The following ACTN4 variants were observed in gnomAD, a reference collection of about 807,000 sequenced individuals.
ACTN4 encodes actinin alpha 4.
Under a neutral mutation model 114.2 loss-of-function variants are expected in ACTN4, and 18 were observed. That is an observed-to-expected ratio of 0.16 (90% confidence interval 0.11 to 0.23). The LOEUF (loss-of-function observed/expected upper bound fraction) is 0.23, where lower values mean the gene tolerates loss of function less well. Among genes scored for constraint, ACTN4 ranks in the 10% least tolerant of loss-of-function variants. The pLI is 1.00. For missense variants in ACTN4, 722 were observed against 1,262.9 expected (o/e 0.57, Z 6.49); for synonymous variants, 515 against 506.3 (o/e 1.02, Z -0.23).
rs1421158611 is a variant in ACTN4, at chr19:38,730,208, TTTATTAACTTACGGATTTA to T, written c.*781_*799del. ...AAACTTTCAGAGAATTACTATTTAC[TTTATTAACTTACGGATTTA>T]TTATATAAATATATATTCACCTAGC... On this transcript the variant is annotated 3_prime_UTR_variant, in exon 21 of 21. Coordinates refer to ENST00000252699, the MANE Select transcript of ACTN4 (RefSeq NM_004924.6). 6.4e-6 allele frequency: 1 copy of T among 157,106 alleles called. No homozygotes were observed. The highest frequency in any genetic ancestry group is 1.4e-5 in the Non-Finnish European group (1 of 70,900). The allele number at this position is 157,106 out of a possible 1,614,324, so 9.7% of individuals were successfully genotyped here. A position where few individuals can be genotyped will look rare whatever the true frequency, so the allele number is the denominator to read the frequency against.
chr19:38,714,967 G>A (rs2086148), intron 9 of ACTN4, among the ~76,000 whole-genome samples: 8,614 of 152,290 alleles, frequency 0.057, 262 homozygotes, highest in South Asian at 0.096. Context: ...CTGTGCAGGT[G>A]CTTAACGAGC....
chr19:38,665,560 G>C (rs1034617494), intron 1 of ACTN4, among the ~76,000 whole-genome samples: 7 of 152,094 alleles, frequency 4.6e-5, no homozygotes, highest in African/African-American at 7.2e-5. Flanking sequence ...CTTTCCTCCA[G>C]TGCTCCCCAG....
In ACTN4 at chr19:38,731,351, G is replaced by A. The variant is rs570667912; in HGVS notation, c.*1919G>A. 20 of 711,704 alleles carry A rather than the reference G, an allele frequency of 2.8e-5. No homozygotes were observed. Among genetic ancestry groups the A allele is most frequent in the East Asian group, 2.4e-4 (9 of 38,078 alleles). 44.1% of individuals were successfully genotyped at this position (711,704 alleles called of 1,614,324 possible). A position where few individuals can be genotyped will look rare whatever the true frequency, so the allele number is the denominator to read the frequency against. ...TCACACCCCAACTCTGCCCCATCCC[G>A]GCAGGGTGAGTACAGGCTGATCCCT... On this transcript the variant is annotated 3_prime_UTR_variant, in exon 21 of 21. Coordinates refer to ENST00000252699, the MANE Select transcript of ACTN4 (RefSeq NM_004924.6).
intron 5 of ACTN4, among the ~76,000 whole-genome samples, chr19:38,706,336 C>T (rs956915113): frequency 6.6e-6 from 1 of 152,252 alleles, no homozygotes; most frequent in African/African-American, 2.4e-5. Flanking sequence ...GCCATCCTGG[C>T]TGAAGGCAGT....
In ACTN4 at chr19:38,724,532, T is replaced by C. The variant is rs12986337; in HGVS notation, c.1977T>C (p.Asn659=). ...HLRRQFASQA[N]VVGPWIQTKM... Reference sequence around the variant, plus strand: ...GCCGCCAGTTCGCCAGCCAGGCCAATGTTGTGGGGCCCTGGATCCAGACCA... The same window carrying C: ...GCCGCCAGTTCGCCAGCCAGGCCAACGTTGTGGGGCCCTGGATCCAGACCA... Residue 659 remains asparagine, a synonymous_variant, in exon 16 of 21, where the codon AAT becomes AAC. Coordinates refer to ENST00000252699, the MANE Select transcript of ACTN4 (RefSeq NM_004924.6). This position sits in a 1 kb window ranked among gnomAD's most constrained non-coding sequence, Gnocchi z 7.0. 104,931 of 1,613,590 alleles carry C rather than the reference T, an allele frequency of 0.065. 3,757 individuals carry two copies. Among genetic ancestry groups the C allele is most frequent in the South Asian group, 0.1 (9,225 of 91,080 alleles).
chr19:38,700,942 C>T, intron 2 of ACTN4, 60 bp from the exon 3 acceptor site: 1 of 1,601,878 alleles, frequency 6.2e-7, no homozygotes, highest in Non-Finnish European at 8.5e-7. Flanking sequence ...CTCCCTCTCG[C>T]CCTCTCTCCC....
At chr19:38,669,026 G>A (rs115784413) in intron 1 of ACTN4, among the ~76,000 whole-genome samples, 1 of 151,980 alleles carries the variant, frequency 6.6e-6, no homozygotes, top group East Asian at 1.9e-4. Context: ...TCTCCCTGTC[G>A]CCCAGGCTGA....
At chr19:38,671,692 C>A (rs963516539) in intron 1 of ACTN4, among the ~76,000 whole-genome samples, 3 of 152,000 alleles carry the variant, frequency 2.0e-5, no homozygotes, top group Non-Finnish European at 2.9e-5. Context: ...AAACTTCAGG[C>A]CATTTTTTCC....
At chr19:38,662,637 T>TG (rs1478427274) in intron 1 of ACTN4, among the ~76,000 whole-genome samples, 2 of 151,970 alleles carry the variant, frequency 1.3e-5, no homozygotes, top group Non-Finnish European at 2.9e-5. Context: ...CAATTCAGAG[T>TG]GGGAAGAGGT....
intron 8 of ACTN4, 148 bp downstream of exon 8, chr19:38,710,490 C>A: frequency 1.2e-6 from 1 of 836,788 alleles, no homozygotes; most frequent in Non-Finnish European, 2.0e-6. Flanking sequence ...GGCGTTGCTG[C>A]CCCCTCAGCC....
intron 1 of ACTN4, among the ~76,000 whole-genome samples, chr19:38,687,547 A>C (rs1967786736): frequency 6.6e-6 from 1 of 152,250 alleles, no homozygotes; most frequent in Non-Finnish European, 1.5e-5. Flanking sequence ...TGTTTTCAAC[A>C]AATAGTGCAG....
Position 38,673,734 on chromosome 19 carries a change from T to C in ACTN4, c.162+25827T>C, listed in dbSNP as rs867968931. On this transcript the variant is annotated intron_variant, in intron 1 of 20. Transcript: ENST00000252699. ...TTATATATTTATATATACTTATATA[T>C]ATTTATATATTTATATATATTTTTA... Among the ~76,000 whole-genome samples the C allele has an allele frequency of 1.8e-3, 195 of 107,708 alleles. 21 individuals carry two copies. The highest frequency in any genetic ancestry group is 2.4e-3 in the Non-Finnish European group (126 of 52,854). The allele number at this position is 107,708 out of a possible 152,430, so 70.7% of individuals were successfully genotyped here.
At chr19:38,680,097 G>C (rs1040212261) in intron 1 of ACTN4, among the ~76,000 whole-genome samples, 9 of 151,360 alleles carry the variant, frequency 5.9e-5, no homozygotes, top group African/African-American at 2.2e-4. Context: ...CTCTATCGCA[G>C]TTATTTACTG....
At chr19:38,712,586 C>T (rs907392454) in intron 8 of ACTN4, among the ~76,000 whole-genome samples, 2 of 151,986 alleles carry the variant, frequency 1.3e-5, no homozygotes, top group African/African-American at 2.4e-5. Context: ...CCTCAGCATG[C>T]GATTGGAGCT....
chr19:38,729,336 C>A lies in ACTN4; in HGVS notation c.2640C>A (p.Ile880=), dbSNP rs565687082. 4 of 1,612,370 alleles carry A rather than the reference C, an allele frequency of 2.5e-6. No individual in the cohort carries two copies. In the African/African-American group the frequency reaches 5.3e-5, roughly 22 times the overall value. ...ELPPDQAEYC[I]ARMAPYQGPD... The stretch of plus-strand genomic sequence containing the variant: ...CCCCCGACCAGGCCGAGTACTGCAT[C>A]GCCCGCATGGCGCCATACCAGGGCC... The change falls in exon 21 of 21, where the codon ATC becomes ATA. Residue 880 remains isoleucine, a synonymous_variant. Coordinates refer to ENST00000252699, the MANE Select transcript of ACTN4 (RefSeq NM_004924.6).
At chr19:38,666,558 C>G (rs1004324669) in intron 1 of ACTN4, among the ~76,000 whole-genome samples, 2 of 152,328 alleles carry the variant, frequency 1.3e-5, no homozygotes, top group African/African-American at 4.8e-5. Context: ...CAGGAGAACA[C>G]GAAGTACACA....
At position 38,708,174 on chromosome 19, in the gene ACTN4, T is replaced by A; in HGVS notation, c.630T>A (p.Ile210=). ...TCCACCGGCACAGACCAGAGCTGAT[T>A]GAGTATGACAAGCTGAGGAAGGTGA... ...ALIHRHRPEL[I]EYDKLRKDDP... Residue 210 remains isoleucine (I), a synonymous_variant, in exon 6 of 21, where the codon ATT becomes ATA. Transcript: ENST00000252699. 1.9e-6 allele frequency: 3 copies of A among 1,614,052 alleles called. No individual in the cohort carries two copies. The highest frequency in any genetic ancestry group is 2.5e-6 in the Non-Finnish European group (3 of 1,179,948).
intron 1 of ACTN4, among the ~76,000 whole-genome samples, chr19:38,675,380 C>G (rs1967341034): frequency 6.6e-6 from 1 of 152,152 alleles, no homozygotes; most frequent in Admixed American, 6.5e-5. Context: ...CTCCTGGGCT[C>G]AAGTGATTCT....
intron 1 of ACTN4, among the ~76,000 whole-genome samples, chr19:38,680,160 A>G (rs1037032768): frequency 1.4e-4 from 19 of 136,958 alleles, no homozygotes; most frequent in African/African-American, 4.0e-4. Flanking sequence ...GCAACCTTGT[A>G]TTTGTCCGTG....
Sources: allele counts gnomAD v4.1 joint callset (sites outside exome capture counted in the v4.1 genomes callset), GRCh38; gene constraint gnomAD v4.1.1; non-coding constraint Gnocchi (gnomAD v3.1); transcripts MANE v1.5; gene names NCBI Gene and HGNC (gene_info 2026-07-23, HGNC 2026-07-21).